ANKRD28: variants seen among roughly 807,000 people sequenced by gnomAD.
ANKRD28 encodes ankyrin repeat domain 28, also known as serine/threonine-protein phosphatase 6 regulatory ankyrin repeat subunit A.
ANKRD28 carries 44 observed loss-of-function variants against 126.5 expected under a neutral mutation model. The observed-to-expected ratio is 0.35, with a 90% confidence interval of 0.27 to 0.45. The LOEUF is 0.45. ANKRD28 is among the 20% of genes least tolerant of loss of function. ANKRD28 has a pLI of 1.00. For synonymous variants in ANKRD28, 442 were observed against 468.5 expected, an observed-to-expected ratio of 0.94 and a Z score of 0.73; for missense variants, 1,110 against 1,316.6, an observed-to-expected ratio of 0.84 and a Z score of 2.43.
intron 3 of ANKRD28, among the ~76,000 whole-genome samples, chr3:15,762,231 A>C (rs2058523673): frequency 7.3e-6 from 1 of 137,026 alleles, no homozygotes; most frequent in African/African-American, 2.6e-5. Context: ...AAAAAAAAAA[A>C]ACTCTCCTGG....
intron 1 of ANKRD28, among the ~76,000 whole-genome samples, chr3:15,807,595 G>C (rs1309111931): frequency 1.3e-5 from 2 of 152,112 alleles, no homozygotes; most frequent in African/African-American, 4.8e-5. Context: ...TCTATGAAAA[G>C]CAAGGCTAAT....
chr3:15,831,377 C>T (rs1235732276), intron 1 of ANKRD28, among the ~76,000 whole-genome samples: 3 of 152,128 alleles, frequency 2.0e-5, no homozygotes, highest in Non-Finnish European at 4.4e-5. Flanking sequence ...AACTACCAGC[C>T]CCTTCTCCAA....
In ANKRD28 at chr3:15,796,502, A is replaced by G; in HGVS notation, c.20T>C (p.Val7Ala). 1 of 1,288,746 alleles carries G rather than the reference A, an allele frequency of 7.8e-7. No individual in the cohort carries two copies. Among genetic ancestry groups the G allele is most frequent in the Non-Finnish European group, 1.0e-6 (1 of 988,216 alleles). 79.8% of individuals were successfully genotyped at this position (1,288,746 alleles called of 1,614,324 possible). A position where few individuals can be genotyped will look rare whatever the true frequency, so the allele number is the denominator to read the frequency against. Residue 7 changes from valine to alanine, a missense_variant, in exon 1 of 28, where the codon GTT (valine) becomes GCT (alanine). Transcript: ENST00000683139. MSRVCI[V>A]VLEEVEDESP... ...TTCATCTTCTACCTCCTCCAAAACAACAATACACACTCGACTCATTCGATC... is the reference window on the plus strand; with the variant it reads ...TTCATCTTCTACCTCCTCCAAAACAGCAATACACACTCGACTCATTCGATC...
At chr3:15,798,291 A>G (rs1035860014), upstream of ANKRD28, 5 of 325,362 alleles carry the variant, frequency 1.5e-5, no homozygotes, top group Non-Finnish European at 2.2e-5. Flanking sequence ...TATGCCTGCA[A>G]TGGACTCATA....
chr3:15,850,204 A>AAAAATATATATATAT (rs1486394619), intron 1 of ANKRD28, among the ~76,000 whole-genome samples: 18 of 54,822 alleles, frequency 3.3e-4, no homozygotes, highest in East Asian at 1.1e-3. Flanking sequence ...AAAAAAAAAA[A>AAAAATATATATATAT]ATATATATAT....
chr3:15,704,348 GAAGGGATAAAAGGCAGAGC>G (rs2071054112), intron 14 of ANKRD28, among the ~76,000 whole-genome samples: 1 of 152,096 alleles, frequency 6.6e-6, no homozygotes, highest in Admixed American at 6.6e-5. Flanking sequence ...AAGTGAGGAT[GAAGGGATAAAAGGCAGAGC>G]AGAATTATAA....
At chr3:15,782,249 T>C (rs919625109) in intron 2 of ANKRD28, among the ~76,000 whole-genome samples, 3 of 152,088 alleles carry the variant, frequency 2.0e-5, no homozygotes, top group Non-Finnish European at 4.4e-5. Context: ...TAGGGAAAAC[T>C]AATAATTCCT....
intron 6 of ANKRD28, among the ~76,000 whole-genome samples, chr3:15,731,461 GA>G (rs1489763515): frequency 6.6e-6 from 1 of 152,120 alleles, no homozygotes; most frequent in Non-Finnish European, 1.5e-5. Flanking sequence ...TATTCAGAAA[GA>G]CCAAGATGAA....
chr3:15,750,862 A>G (rs1401050524), intron 4 of ANKRD28, among the ~76,000 whole-genome samples: 1 of 152,214 alleles, frequency 6.6e-6, no homozygotes, highest in Non-Finnish European at 1.5e-5. Context: ...TTGAATAACT[A>G]AAGAAATACT....
chr3:15,676,299 C>T (rs1055172757), intron 26 of ANKRD28: 7 of 238,782 alleles, frequency 2.9e-5, no homozygotes, highest in African/African-American at 1.3e-4. Flanking sequence ...ATTGAAATTG[C>T]ATTCCTCCGT....
rs28795224 is a variant in ANKRD28 at position 15,830,094 on chromosome 3, C to T, written c.27+29283G>A. Among the ~76,000 whole-genome samples the T allele has an allele frequency of 0.041, 6,214 of 152,184 alleles. 417 individuals are homozygous for T. Among genetic ancestry groups the T allele is most frequent in the African/African-American group, 0.14 (5,761 of 41,480 alleles). On this transcript the variant is annotated intron_variant, in intron 1 of 27. Transcript: ENST00000399451. The surrounding 1 kb of genome is among the most constrained non-coding windows in gnomAD (Gnocchi z 4.5). ...CAATCTTAAGGGAAATAGGCTTTTC[C>T]CTCCCCTTAACTGTAAGCAAGGCAG...
intron 2 of ANKRD28, among the ~76,000 whole-genome samples, chr3:15,792,183 T>C (rs945595479): frequency 6.6e-6 from 1 of 152,124 alleles, no homozygotes; most frequent in Non-Finnish European, 1.5e-5. Context: ...AAACTAAAAA[T>C]AGAGCTACCA....
At chr3:15,705,088 T>C (rs769039611) in intron 14 of ANKRD28, among the ~76,000 whole-genome samples, 3 of 152,164 alleles carry the variant, frequency 2.0e-5, no homozygotes, top group Non-Finnish European at 4.4e-5. Context: ...ATTGGGTCTT[T>C]CGGATCCCAA....
chr3:15,700,001 A>G (rs1478839096), intron 14 of ANKRD28, among the ~76,000 whole-genome samples: 1 of 152,234 alleles, frequency 6.6e-6, no homozygotes, highest in Non-Finnish European at 1.5e-5. Context: ...TCCATCAATG[A>G]TAGACTGGAT....
upstream of ANKRD28, among the ~76,000 whole-genome samples, chr3:15,800,172 C>T (rs1008210403): frequency 1.3e-5 from 2 of 151,944 alleles, no homozygotes; most frequent in African/African-American, 4.8e-5. Flanking sequence ...ACTTAAATTC[C>T]CTAAGCCTAA....
At chr3:15,780,968 T>C (rs1158900800) in intron 2 of ANKRD28, among the ~76,000 whole-genome samples, 3 of 151,702 alleles carry the variant, frequency 2.0e-5, no homozygotes, top group Non-Finnish European at 4.4e-5. Flanking sequence ...TATAAAACTA[T>C]AAACAAGGCG....
intron 2 of ANKRD28, among the ~76,000 whole-genome samples, chr3:15,778,582 CAA>C (rs1159071448): frequency 2.0e-5 from 3 of 152,148 alleles, no homozygotes; most frequent in African/African-American, 7.2e-5. Context: ...TCAAAGCCAG[CAA>C]GAGAGAATAT....
chr3:15,714,519 T>C, intron 9 of ANKRD28, 59 bp downstream of exon 9: 1 of 1,258,406 alleles, frequency 7.9e-7, no homozygotes, highest in Non-Finnish European at 1.1e-6. Context: ...GTGGATGTTT[T>C]TACTACATTT....
rs557203499 is a variant in ANKRD28, at chr3:15,680,662, T to C, written c.2390-1099A>G. 2.0e-5 allele frequency among the ~76,000 whole-genome samples: 3 copies of C among 152,308 alleles called. 1 individual carries two copies. The South Asian group carries it at 6.2e-4, about 32-fold the overall frequency. On this transcript the variant is annotated intron_variant, in intron 21 of 27. Transcript: ENST00000683139. ...GTAATGAAACATTCTGGTATTTTTT[T>C]ATTTTATTAAAACAATTTTTTGAGA...
Sources: gnomAD v4.1 joint callset for allele counts (sites outside exome capture counted in the v4.1 genomes callset) on GRCh38, gnomAD v4.1.1 for gene constraint, Gnocchi (gnomAD v3.1) non-coding constraint, MANE v1.5 for transcripts, NCBI Gene and HGNC (gene_info 2026-07-23, HGNC 2026-07-21) for gene names.